The following ADAMTS3 variants were observed in gnomAD, a reference collection of about 807,000 sequenced individuals.
ADAMTS3 encodes ADAM metallopeptidase with thrombospondin type 1 motif 3.
In ADAMTS3, 73 loss-of-function variants were observed where a neutral mutation model predicts 129.0. The observed-to-expected ratio is 0.57, with a 90% confidence interval of 0.47 to 0.69. The LOEUF (loss-of-function observed/expected upper bound fraction) is 0.69, where lower values mean the gene tolerates loss of function less well. Among genes scored for constraint, ADAMTS3 ranks in the 30% least tolerant of loss-of-function variants. ADAMTS3 has a pLI of 0.00. For missense variants in ADAMTS3, 1,457 were observed against 1,514.5 expected (o/e 0.96, Z 0.63); for synonymous variants, 477 against 510.8 (o/e 0.93, Z 0.89).
intron 4 of ADAMTS3, among the ~76,000 whole-genome samples, chr4:72,369,439 G>A (rs977395131): frequency 1.3e-5 from 2 of 152,036 alleles, no homozygotes; most frequent in African/African-American, 2.4e-5. Context: ...GACCGGGCGC[G>A]GTGGCTCACG....
At chr4:72,410,467 A>G (rs1722159169) in intron 4 of ADAMTS3, among the ~76,000 whole-genome samples, 1 of 152,182 alleles carries the variant, frequency 6.6e-6, no homozygotes, top group African/African-American at 2.4e-5. Flanking sequence ...GGATGTAATT[A>G]CAAAAATTAC....
At chr4:72,550,027 A>G (rs1451084675) in intron 2 of ADAMTS3, among the ~76,000 whole-genome samples, 1 of 8,308 alleles carries the variant, frequency 1.2e-4, no homozygotes, top group East Asian at 7.7e-3. Context: ...AAGAAGAAGA[A>G]GAAGAAGAAG....
chr4:72,422,835 G>A (rs559786552), intron 3 of ADAMTS3, among the ~76,000 whole-genome samples: 2 of 152,276 alleles, frequency 1.3e-5, no homozygotes, highest in South Asian at 4.1e-4. Flanking sequence ...GAGAGTTTCA[G>A]ATGAGATAAT....
chr4:72,482,188 T>TA (rs903452211), intron 3 of ADAMTS3, among the ~76,000 whole-genome samples: 22 of 151,606 alleles, frequency 1.5e-4, no homozygotes, highest in South Asian at 2.1e-4. Flanking sequence ...TATGTTCATT[T>TA]AAAAAAAAAC....
At chr4:72,530,555 T>G (rs191484407) in intron 3 of ADAMTS3, among the ~76,000 whole-genome samples, 1 of 79,928 alleles carries the variant, frequency 1.3e-5, no homozygotes, top group Admixed American at 2.4e-4. Context: ...TTAAAATATA[T>G]TGATTTAAAT....
chr4:72,378,146 C>T (rs1411498550), intron 4 of ADAMTS3, among the ~76,000 whole-genome samples: 2 of 152,144 alleles, frequency 1.3e-5, no homozygotes, highest in African/African-American at 4.8e-5. Flanking sequence ...ATGTTTCTTG[C>T]TAAAATTCCT....
intron 3 of ADAMTS3, among the ~76,000 whole-genome samples, chr4:72,446,639 T>C (rs1291773692): frequency 6.6e-6 from 1 of 151,716 alleles, no homozygotes; most frequent in East Asian, 2.0e-4. Context: ...AGTCTTCAAA[T>C]ACCATGTGAA....
chr4:72,436,731 T>C (rs934376597), intron 3 of ADAMTS3, among the ~76,000 whole-genome samples: 4 of 151,900 alleles, frequency 2.6e-5, no homozygotes, highest in African/African-American at 9.7e-5. Context: ...CTAGGAACCA[T>C]CATTCTCAGC....
intron 3 of ADAMTS3, among the ~76,000 whole-genome samples, chr4:72,453,895 A>G (rs1718473964): frequency 1.4e-5 from 2 of 148,002 alleles, no homozygotes; most frequent in East Asian, 2.0e-4. Context: ...ATATTATATT[A>G]TATGTAAAAT....
At chr4:72,446,572 C>T (rs111496130) in intron 3 of ADAMTS3, among the ~76,000 whole-genome samples, 5 of 151,536 alleles carry the variant, frequency 3.3e-5, no homozygotes, top group South Asian at 2.1e-4. Context: ...CAATAAAAAA[C>T]GGAGGATGTT....
chr4:72,387,273 CACATTTT>C (rs1342538868), intron 4 of ADAMTS3, among the ~76,000 whole-genome samples: 7 of 152,174 alleles, frequency 4.6e-5, no homozygotes, highest in African/African-American at 7.2e-5. Context: ...TGTTATCAGT[CACATTTT>C]ACAAATCATG....
intron 4 of ADAMTS3, among the ~76,000 whole-genome samples, chr4:72,343,329 C>A (rs992149686): frequency 1.6e-4 from 25 of 152,176 alleles, no homozygotes; most frequent in Admixed American, 1.6e-3. Flanking sequence ...CAGCATTCAC[C>A]TAGCAAGTTT....
chr4:72,311,059 C>A lies in ADAMTS3; in HGVS notation c.2044G>T (p.Gly682Ter). The A allele has an allele frequency of 6.2e-7, 1 of 1,607,352 alleles. No individual in the cohort carries two copies. Among genetic ancestry groups the A allele is most frequent in the Non-Finnish European group, 8.5e-7 (1 of 1,176,006 alleles). The change falls in exon 14 of 22, where the codon GGA becomes TGA. Residue 682 changes from glycine (G) to a stop codon, truncating the protein, a stop_gained. Transcript: ENST00000286657. LOFTEE classifies it high-confidence loss of function. ...YKDPYSICVRGECVKVGCDKE... is the reference protein window; with the variant it reads ...YKDPYSICVR Reference sequence around the variant, plus strand: ...CAATTTGAACTTACCACACACTCTCCTCGCACACATATGCTATATGGATCT... The same window carrying A: ...CAATTTGAACTTACCACACACTCTCATCGCACACATATGCTATATGGATCT...
chr4:72,485,885 C>T (rs192591933), intron 3 of ADAMTS3, among the ~76,000 whole-genome samples: 73 of 152,292 alleles, frequency 4.8e-4, no homozygotes, highest in African/African-American at 1.6e-3. Flanking sequence ...GCCTGTTTGC[C>T]CCTTCCACCA....
At position 72,556,592 on chromosome 4, in the gene ADAMTS3, C is replaced by T. The variant is rs926833499; in HGVS notation, c.98-7708G>A. 7.9e-5 allele frequency among the ~76,000 whole-genome samples: 12 copies of T among 151,684 alleles called. 1 individual carries two copies. Among genetic ancestry groups the T allele is most frequent in the Admixed American group, 6.6e-4 (10 of 15,260 alleles). On this transcript the variant is annotated intron_variant, in intron 2 of 21. Transcript: ENST00000286657. ...TGTGATTGATGCATATGGCTCCAAG[C>T]AAGGAAGAGATTTGGGTATGATGGT... is the stretch of plus-strand genomic sequence containing the variant.
chr4:72,517,095 A>C (rs1289192850), intron 3 of ADAMTS3, among the ~76,000 whole-genome samples: 1 of 152,026 alleles, frequency 6.6e-6, no homozygotes, highest in Non-Finnish European at 1.5e-5. Flanking sequence ...TGAGATAATC[A>C]TGTGGTTTTT....
intron 3 of ADAMTS3, among the ~76,000 whole-genome samples, chr4:72,527,618 G>T (rs1720849369): frequency 6.6e-6 from 1 of 152,096 alleles, no homozygotes; most frequent in African/African-American, 2.4e-5. Flanking sequence ...AAAAATAAAA[G>T]AATCCTGGAA....
intron 4 of ADAMTS3, among the ~76,000 whole-genome samples, chr4:72,399,516 T>C (rs915107270): frequency 1.3e-5 from 2 of 152,144 alleles, no homozygotes; most frequent in African/African-American, 4.8e-5. Flanking sequence ...GTTCAATCAA[T>C]ATTTATTGAA....
intron 2 of ADAMTS3, among the ~76,000 whole-genome samples, chr4:72,552,379 T>C (rs186959252): frequency 2.3e-4 from 35 of 152,310 alleles, no homozygotes; most frequent in African/African-American, 7.0e-4. Flanking sequence ...AAGTGTAAGT[T>C]AGCCACTCAT....
Sources: allele counts gnomAD v4.1 joint callset (sites outside exome capture counted in the v4.1 genomes callset), GRCh38; gene constraint gnomAD v4.1.1; transcripts MANE v1.5; gene names NCBI Gene and HGNC (gene_info 2026-07-23, HGNC 2026-07-21).